The following TMEM116 variants were observed in gnomAD, a reference collection of about 807,000 sequenced individuals.
TMEM116 encodes the protein transmembrane protein 116.
Under a neutral mutation model 44.3 loss-of-function variants are expected in TMEM116, and 38 were observed. The ratio of observed to expected loss-of-function variants is 0.86; its 90% CI spans 0.66 to 1.12. The LOEUF (loss-of-function observed/expected upper bound fraction) is 1.12. Ranked by LOEUF, TMEM116 falls within the 50% of genes most tolerant of loss-of-function variation. TMEM116 has a pLI of 0.00. For missense variants in TMEM116, 354 were observed against 401.7 expected (o/e 0.88, Z 1.01); for synonymous variants, 132 against 144.8 (o/e 0.91, Z 0.64).
chr12:112,012,501 A>T (rs972267213), intron 1 of TMEM116: 1 of 152,118 alleles, frequency 6.6e-6, no homozygotes, highest in African/African-American at 2.4e-5. Context: ...CTGGTCTCGA[A>T]CTCCTGACCT....
At chr12:111,937,084 G>A (rs1421320474) in intron 7 of TMEM116, 76 bp downstream of exon 7, 2 of 1,368,988 alleles carry the variant, frequency 1.5e-6, no homozygotes, top group Non-Finnish European at 2.1e-6. Context: ...TATGTGGAAA[G>A]TCTTTTTCCA....
chr12:111,993,980 C>T, intron 3 of TMEM116: 1 of 588,744 alleles, frequency 1.7e-6, no homozygotes, highest in Non-Finnish European at 3.3e-6. Flanking sequence ...ATCTATGATT[C>T]TGTGAAGGTC....
chr12:111,996,213 A>G (rs138838283), intron 3 of TMEM116, among the ~76,000 whole-genome samples: 1 of 152,218 alleles, frequency 6.6e-6, no homozygotes, highest in Non-Finnish European at 1.5e-5. Context: ...AATGAAAAAA[A>G]TCAACCACAT....
At chr12:111,988,393 T>C (rs776777217) in intron 4 of TMEM116, among the ~76,000 whole-genome samples, 3 of 152,128 alleles carry the variant, frequency 2.0e-5, no homozygotes, top group Non-Finnish European at 2.9e-5. Context: ...ACCACAATCT[T>C]AAAAAACAAA....
At chr12:111,965,954 C>T (rs2074952376) in intron 4 of TMEM116, among the ~76,000 whole-genome samples, 1 of 150,858 alleles carries the variant, frequency 6.6e-6, no homozygotes, top group African/African-American at 2.4e-5. Context: ...AATAAATAAA[C>T]AACAACAAAA....
chr12:111,960,138 G>T (rs904795219), intron 4 of TMEM116, among the ~76,000 whole-genome samples: 3 of 152,074 alleles, frequency 2.0e-5, no homozygotes, highest in Admixed American at 1.3e-4. Context: ...AACGGAAATC[G>T]TAACAAATAG....
chr12:111,955,215 G>A (rs959145840), intron 4 of TMEM116, among the ~76,000 whole-genome samples: 1 of 152,172 alleles, frequency 6.6e-6, no homozygotes, highest in Non-Finnish European at 1.5e-5. Context: ...TGCAGCTGCT[G>A]ACTCTTTACA....
chr12:111,961,617 C>CA (rs1030587081), intron 4 of TMEM116, among the ~76,000 whole-genome samples: 1 of 152,188 alleles, frequency 6.6e-6, no homozygotes, highest in African/African-American at 2.4e-5. Flanking sequence ...CAAAATTCTA[C>CA]ATCCCTTCAT....
chr12:111,984,853 A>G (rs1670607452), intron 4 of TMEM116, among the ~76,000 whole-genome samples: 1 of 152,162 alleles, frequency 6.6e-6, no homozygotes, highest in Non-Finnish European at 1.5e-5. Flanking sequence ...AAAATTTTAA[A>G]TGTTACCAAT....
intron 1 of TMEM116, among the ~76,000 whole-genome samples, chr12:112,008,045 G>A (rs1009891150): frequency 6.6e-6 from 1 of 152,166 alleles, no homozygotes; most frequent in African/African-American, 2.4e-5. Flanking sequence ...TTAGCAAAAA[G>A]CTCCTTGCAT....
intron 4 of TMEM116, among the ~76,000 whole-genome samples, chr12:111,954,382 T>C (rs756906126): frequency 3.3e-4 from 51 of 152,294 alleles, no homozygotes; most frequent in South Asian, 1.7e-3. Flanking sequence ...TGTGCAGGAA[T>C]GAAAGGATTG....
At chr12:111,958,957 A>G (rs1481688295) in intron 4 of TMEM116, among the ~76,000 whole-genome samples, 3 of 152,224 alleles carry the variant, frequency 2.0e-5, no homozygotes, top group Non-Finnish European at 4.4e-5. Flanking sequence ...TCCCCAACCT[A>G]GCAAGACAGG....
chr12:111,944,541 C>T (rs1415756972), intron 4 of TMEM116, among the ~76,000 whole-genome samples: 1 of 152,030 alleles, frequency 6.6e-6, no homozygotes, highest in Non-Finnish European at 1.5e-5. Context: ...TCCAAACAGA[C>T]CACTGTCTTG....
At chr12:112,004,599 C>A (rs2077474877) in intron 2 of TMEM116, among the ~76,000 whole-genome samples, 1 of 151,926 alleles carries the variant, frequency 6.6e-6, no homozygotes, top group Non-Finnish European at 1.5e-5. Context: ...TATTTTTAAA[C>A]AAATATAGAA....
At chr12:111,970,465 T>A (rs1050462692) in intron 4 of TMEM116, among the ~76,000 whole-genome samples, 1 of 151,906 alleles carries the variant, frequency 6.6e-6, no homozygotes. Flanking sequence ...TTTGAAGAAA[T>A]AGTGGCCCCA....
At chr12:111,944,420 G>A (rs1192185653) in intron 4 of TMEM116, among the ~76,000 whole-genome samples, 2 of 152,036 alleles carry the variant, frequency 1.3e-5, no homozygotes, top group Admixed American at 1.3e-4. Flanking sequence ...AGCACTTTGT[G>A]AGGCCGTGGT....
At chr12:112,005,506 T>C (rs144345426) in intron 1 of TMEM116, 37 of 485,034 alleles carry the variant, frequency 7.6e-5, no homozygotes, top group African/African-American at 7.0e-4. Context: ...TATTTCTATT[T>C]CACTGGGAAA....
intron 4 of TMEM116, among the ~76,000 whole-genome samples, chr12:111,989,897 G>A (rs1030479554): frequency 2.0e-5 from 3 of 152,126 alleles, no homozygotes; most frequent in Non-Finnish European, 2.9e-5. Context: ...TGTAAAAACT[G>A]ATCAAGCTGT....
At chr12:111,984,642 G>C (rs1054603040) in intron 4 of TMEM116, among the ~76,000 whole-genome samples, 1 of 151,914 alleles carries the variant, frequency 6.6e-6, no homozygotes, top group African/African-American at 2.4e-5. Context: ...GGTGACTATA[G>C]TGAACAATAA....
Sources: gnomAD v4.1 joint callset for allele counts (sites outside exome capture counted in the v4.1 genomes callset) on GRCh38, gnomAD v4.1.1 for gene constraint, MANE v1.5 for transcripts, NCBI Gene and HGNC (gene_info 2026-07-23, HGNC 2026-07-21) for gene names.